Variants in MTMR7 observed in about 807,000 individuals in gnomAD.
MTMR7 encodes phosphatidylinositol-3-phosphate phosphatase MTMR7.
In MTMR7, 76 loss-of-function variants were observed where a neutral mutation model predicts 81.2. That is an observed-to-expected ratio of 0.94 (90% confidence interval 0.78 to 1.13). The LOEUF is 1.13. Ranked by LOEUF, MTMR7 falls within the 50% of genes most tolerant of loss-of-function variation. The probability of loss-of-function intolerance (pLI) is 0.00; values close to 1 mark genes in which losing one functional copy is unlikely to be tolerated. For missense variants in MTMR7, 1,044 were observed against 820.0 expected, an observed-to-expected ratio of 1.27 and a Z score of -3.34; for synonymous variants, 372 against 289.8, an observed-to-expected ratio of 1.28 and a Z score of -2.88.
At chr8:17,315,705 A>AG (rs1818029695) in intron 7 of MTMR7, among the ~76,000 whole-genome samples, 1 of 152,130 alleles carries the variant, frequency 6.6e-6, no homozygotes, top group Non-Finnish European at 1.5e-5. Context: ...ATGTCTCTTA[A>AG]GAAAAAAAAA....
At chr8:17,369,969 A>T (rs1820361796) in intron 3 of MTMR7, among the ~76,000 whole-genome samples, 1 of 152,008 alleles carries the variant, frequency 6.6e-6, no homozygotes, top group Non-Finnish European at 1.5e-5. Context: ...TAAGGAAAAC[A>T]ACACCACAAC....
chr8:17,363,312 G>T (rs1430854251), intron 3 of MTMR7, among the ~76,000 whole-genome samples: 2 of 152,206 alleles, frequency 1.3e-5, no homozygotes, highest in Non-Finnish European at 2.9e-5. Flanking sequence ...GGAATCTCTT[G>T]AGAAAGCCTC....
At chr8:17,326,328 G>A (rs1487732566) in intron 7 of MTMR7, 1 of 152,190 alleles carries the variant, frequency 6.6e-6, no homozygotes, top group African/African-American at 2.4e-5. Context: ...CAACTTCAAT[G>A]AGGTTTACTT....
rs944153105 is a variant in MTMR7 at position 17,300,308 on chromosome 8, C to T, written c.1621-84G>A. On this transcript the variant is annotated intron_variant, in intron 13 of 13. Coordinates refer to ENST00000180173, the MANE Select transcript of MTMR7 (RefSeq NM_004686.5). ...TATGCATGTCTTTAGCATTTGTTAC[C>T]TCCCACGTGGGTATAATGTTAAGAA... 19 of 1,369,788 alleles carry T rather than the reference C, an allele frequency of 1.4e-5. No homozygotes were observed. The Admixed American group carries it at 4.2e-4, about 30-fold the overall frequency. 84.9% of individuals were successfully genotyped at this position (1,369,788 alleles called of 1,614,324 possible).
At chr8:17,373,718 C>T (rs752375026) in intron 1 of MTMR7, among the ~76,000 whole-genome samples, 29 of 152,244 alleles carry the variant, frequency 1.9e-4, no homozygotes, top group South Asian at 1.0e-3. Flanking sequence ...CAAGTATAAA[C>T]ATACATACGG....
chr8:17,409,109 T>G (rs1821672964), intron 1 of MTMR7, among the ~76,000 whole-genome samples: 3 of 152,194 alleles, frequency 2.0e-5, no homozygotes, highest in Non-Finnish European at 4.4e-5. Flanking sequence ...CAAGTAGTAT[T>G]GTATACAACT....
chr8:17,329,653 A>T (rs898086903), intron 7 of MTMR7, among the ~76,000 whole-genome samples: 1 of 152,234 alleles, frequency 6.6e-6, no homozygotes, highest in Admixed American at 6.5e-5. Context: ...AATTTAAATA[A>T]CTTAAGGGTC....
intron 4 of MTMR7, 97 bp from the exon 5 acceptor site, chr8:17,349,178 C>G: frequency 1.4e-6 from 2 of 1,414,080 alleles, no homozygotes; most frequent in African/African-American, 1.4e-5. Context: ...CAGGTACATC[C>G]TTAAGTTCCC....
intron 1 of MTMR7, among the ~76,000 whole-genome samples, chr8:17,376,672 G>C (rs1356703495): frequency 6.6e-6 from 1 of 152,030 alleles, no homozygotes; most frequent in Non-Finnish European, 1.5e-5. Flanking sequence ...GCACTTCCCT[G>C]ATAGCTAACA....
intron 1 of MTMR7, among the ~76,000 whole-genome samples, chr8:17,392,582 G>C (rs13275427): frequency 2.8e-4 from 43 of 152,338 alleles, no homozygotes; most frequent in Middle Eastern, 3.4e-3. Flanking sequence ...CGATGTCACT[G>C]AGGCTTTGCC....
chr8:17,349,632 G>A (rs970531973), intron 4 of MTMR7: 4 of 153,188 alleles, frequency 2.6e-5, no homozygotes, highest in African/African-American at 4.8e-5. Context: ...AGGGCCAATC[G>A]AAGTTCCACC....
At chr8:17,346,923 G>A (rs1319360442) in intron 5 of MTMR7, among the ~76,000 whole-genome samples, 4 of 149,672 alleles carry the variant, frequency 2.7e-5, no homozygotes, top group East Asian at 3.9e-4. Context: ...GGCAAGGGGC[G>A]GCGCCTCACA....
chr8:17,408,198 G>T (rs986773699), intron 1 of MTMR7, among the ~76,000 whole-genome samples: 1 of 66,640 alleles, frequency 1.5e-5, no homozygotes, highest in Non-Finnish European at 4.6e-5. Flanking sequence ...AGACCATCCC[G>T]GCTAAAACGG....
At chr8:17,332,532 TG>T (rs1480408027) in intron 6 of MTMR7, among the ~76,000 whole-genome samples, 9 of 152,268 alleles carry the variant, frequency 5.9e-5, no homozygotes, top group African/African-American at 9.6e-5. Context: ...AGGCTTACGA[TG>T]GGGTTATATC....
intron 11 of MTMR7, 133 bp downstream of exon 11, chr8:17,305,624 A>G: frequency 2.9e-6 from 2 of 693,976 alleles, no homozygotes; most frequent in Non-Finnish European, 4.6e-6. Flanking sequence ...GAAAAAGAAA[A>G]TAAAACTAAT....
At position 17,333,274 on chromosome 8, in the gene MTMR7, C is replaced by T. The variant is rs57760449; in HGVS notation, c.733-1992G>A. Among the ~76,000 whole-genome samples the T allele has an allele frequency of 4.2e-3, 641 of 152,264 alleles. 4 individuals are homozygous for T. Among genetic ancestry groups the T allele is most frequent in the African/African-American group, 0.014 (597 of 41,558 alleles). On this transcript the variant is annotated intron_variant, in intron 6 of 13. Transcript: ENST00000180173. Reference sequence around the variant, plus strand: ...ATTAAAATAATGCATTTTAAGACAACTTATGTTCACACTTTAAGAAGTATA... The same window carrying T: ...ATTAAAATAATGCATTTTAAGACAATTTATGTTCACACTTTAAGAAGTATA...
intron 2 of MTMR7, among the ~76,000 whole-genome samples, chr8:17,371,897 A>C (rs941422612): frequency 4.2e-5 from 5 of 118,986 alleles, no homozygotes; most frequent in African/African-American, 1.6e-4. Context: ...CTTGAAATTT[A>C]CTCTCATAAT....
rs756303451 is a variant in MTMR7, at chr8:17,313,418, G to C, written c.866-17C>G. 1 of 1,527,162 alleles carries C rather than the reference G, an allele frequency of 6.5e-7. No homozygotes were observed. Among genetic ancestry groups the C allele is most frequent in the South Asian group, 1.2e-5 (1 of 86,238 alleles). The allele number at this position is 1,527,162 out of a possible 1,614,324, so 94.6% of individuals were successfully genotyped here. A position where few individuals can be genotyped will look rare whatever the true frequency, so the allele number is the denominator to read the frequency against. ...GTTCACACACTGCAAGATAAATCATGTTATAAAAGCAAAATTAAGGTACTC... is the reference window on the plus strand; with the variant it reads ...GTTCACACACTGCAAGATAAATCATCTTATAAAAGCAAAATTAAGGTACTC... On this transcript the variant is annotated splice_polypyrimidine_tract_variant and intron_variant, in intron 7 of 13. Coordinates refer to ENST00000180173, the MANE Select transcript of MTMR7 (RefSeq NM_004686.5).
intron 12 of MTMR7, among the ~76,000 whole-genome samples, chr8:17,303,722 GTC>G (rs1563314166): frequency 6.6e-6 from 1 of 151,412 alleles, no homozygotes; most frequent in East Asian, 1.9e-4. Context: ...TGATTCTCCT[GTC>G]TCAGCCTCCC....
Sources: allele counts gnomAD v4.1 joint callset (sites outside exome capture counted in the v4.1 genomes callset), GRCh38; gene constraint gnomAD v4.1.1; transcripts MANE v1.5; gene names NCBI Gene and HGNC (gene_info 2026-07-23, HGNC 2026-07-21).